Variants in NOTCH2 observed in about 807,000 individuals in gnomAD.
NOTCH2 encodes neurogenic locus notch homolog protein 2.
Under a neutral mutation model 235.8 loss-of-function variants are expected in NOTCH2, and 29 were observed. The observed-to-expected ratio is 0.12, with a 90% CI of 0.09 to 0.17. The LOEUF (loss-of-function observed/expected upper bound fraction) is 0.17, where lower values mean the gene tolerates loss of function less well. Among genes scored for constraint, NOTCH2 ranks in the 10% least tolerant of loss-of-function variants. NOTCH2 has a pLI of 1.00. For missense variants in NOTCH2, 2,285 were observed against 3,150.2 expected (o/e 0.73, Z 6.57); for synonymous variants, 1,086 against 1,141.5 (o/e 0.95, Z 0.98).
chr1:119,998,797 G>A (rs1387819083), intron 3 of NOTCH2, among the ~76,000 whole-genome samples: 6 of 145,630 alleles, frequency 4.1e-5, no homozygotes, highest in South Asian at 2.3e-4. Context: ...CCATTAACTC[G>A]TCATTTACAT....
chr1:119,954,917 C>G (rs1438047056), intron 13 of NOTCH2, 123 bp downstream of exon 13: 16 of 936,926 alleles, frequency 1.7e-5, no homozygotes, highest in Non-Finnish European at 2.7e-5. Context: ...ATGCAGACTA[C>G]CAAATCTTCA....
intron 3 of NOTCH2, among the ~76,000 whole-genome samples, chr1:120,002,574 G>A (rs1266452445): frequency 1.4e-5 from 2 of 142,694 alleles, no homozygotes; most frequent in African/African-American, 5.3e-5. Context: ...GAAGGCAAAA[G>A]GAATACAAAA....
At chr1:119,969,382 A>C (rs782108493) in intron 6 of NOTCH2, 129 bp downstream of exon 6, 62 of 799,804 alleles carry the variant, frequency 7.8e-5, no homozygotes, top group Admixed American at 1.6e-4. Context: ...CATTTCTGGA[A>C]CAGTCCTGAG....
chr1:119,926,247 A>G (rs965162778), intron 24 of NOTCH2, among the ~76,000 whole-genome samples: 3 of 152,182 alleles, frequency 2.0e-5, no homozygotes, highest in African/African-American at 7.2e-5. Flanking sequence ...AGTTTTTCTT[A>G]AGACTGACAG....
At chr1:119,988,120 T>C (rs1351939097) in intron 4 of NOTCH2, among the ~76,000 whole-genome samples, 2 of 152,184 alleles carry the variant, frequency 1.3e-5, no homozygotes, top group African/African-American at 4.8e-5. Context: ...GGGACTTACA[T>C]TAGGCACTGG....
At position 119,913,132 on chromosome 1, in the gene NOTCH2, G is replaced by C. The variant is rs1057300213; in HGVS notation, c.*2174C>G. ...TCTGTGAATAATAAATGGGTCCAAG[G>C]GCAGAGAGTCACCATTTAGAATGAT... On this transcript the variant is annotated 3_prime_UTR_variant, in exon 34 of 34. Transcript: ENST00000256646. The C allele has an allele frequency of 8.6e-6, 2 of 233,078 alleles. No individual in the cohort carries two copies. The highest frequency in any genetic ancestry group is 1.7e-5 in the Non-Finnish European group (2 of 118,046). 14.4% of individuals were successfully genotyped at this position (233,078 alleles called of 1,614,324 possible). A position where few individuals can be genotyped will look rare whatever the true frequency, so the allele number is the denominator to read the frequency against.
chr1:120,058,184 GA>G (rs1426761329), intron 1 of NOTCH2, among the ~76,000 whole-genome samples: 10 of 151,360 alleles, frequency 6.6e-5, no homozygotes, highest in Admixed American at 2.0e-4. Flanking sequence ...AATCAAAAAA[GA>G]AAAAAAAATC....
intron 4 of NOTCH2, 35 bp downstream of exon 4, chr1:119,996,962 G>A (rs782657227): frequency 6.3e-7 from 1 of 1,599,632 alleles, no homozygotes; most frequent in African/African-American, 1.3e-5. Flanking sequence ...CTAGGGGTTT[G>A]TCCCCTAATC....
intron 12 of NOTCH2, among the ~76,000 whole-genome samples, chr1:119,958,812 G>T (rs1156610973): frequency 1.3e-5 from 2 of 152,090 alleles, no homozygotes; most frequent in African/African-American, 4.8e-5. Flanking sequence ...TACTTTAAGA[G>T]AAGTTATATT....
intron 8 of NOTCH2, 124 bp downstream of exon 8, chr1:119,967,309 T>C: frequency 1.1e-6 from 1 of 924,482 alleles, no homozygotes; most frequent in Admixed American, 1.7e-5. Flanking sequence ...TAGTCCCCAG[T>C]CAGCAAAGGA....
intron 1 of NOTCH2, among the ~76,000 whole-genome samples, chr1:120,067,460 A>T (rs1655550727): frequency 6.6e-6 from 1 of 152,192 alleles, no homozygotes; most frequent in Non-Finnish European, 1.5e-5. Context: ...GTGTCAGAGT[A>T]ATCCCATTTC....
intron 5 of NOTCH2, among the ~76,000 whole-genome samples, chr1:119,970,687 A>G (rs937188888): frequency 2.6e-5 from 4 of 152,098 alleles, no homozygotes; most frequent in African/African-American, 7.2e-5. Flanking sequence ...TCAACTTACA[A>G]CCAGGAATCT....
intron 31 of NOTCH2, 88 bp downstream of exon 31, chr1:119,919,224 T>G (rs1405613265): frequency 7.5e-7 from 1 of 1,342,230 alleles, no homozygotes; most frequent in Non-Finnish European, 1.1e-6. Context: ...ATTGAATAAA[T>G]TCAATGAGAT....
In NOTCH2 at chr1:119,926,504, G is replaced by A. The variant is rs587728425; in HGVS notation, c.4000C>T (p.Pro1334Ser). 11 of 1,599,502 alleles carry A rather than the reference G, an allele frequency of 6.9e-6. No homozygotes were observed. The East Asian group carries it at 1.3e-4, about 19-fold the overall frequency. ...NMPDGFICRC[P>S]PGFSGARCQS... ...ATGAGCAACAGGGCACTTACCGGGG[G>A]ACAACGGCAAATGAAACCATCAGGC... is the stretch of plus-strand genomic sequence containing the variant. The change falls in exon 24 of 34, where the codon CCC (proline) becomes TCC (serine). Residue 1334 changes from proline (P) to serine (S), a missense_variant. Transcript: ENST00000256646.
chr1:120,066,474 G>A (rs1490611838), intron 1 of NOTCH2, among the ~76,000 whole-genome samples: 5 of 147,740 alleles, frequency 3.4e-5, no homozygotes, highest in African/African-American at 7.8e-5. Flanking sequence ...TAGGGAGGAG[G>A]ATCACTAGGA....
At chr1:119,944,854 A>C (rs1650198721) in intron 17 of NOTCH2, among the ~76,000 whole-genome samples, 1 of 152,196 alleles carries the variant, frequency 6.6e-6, no homozygotes, top group Admixed American at 6.5e-5. Flanking sequence ...CCAGGAGACA[A>C]AGACTACACA....
intron 11 of NOTCH2, among the ~76,000 whole-genome samples, chr1:119,962,480 CTG>C (rs1180877750): frequency 5.3e-5 from 8 of 152,162 alleles, no homozygotes; most frequent in Admixed American, 2.6e-4. Flanking sequence ...GCATTTTCAG[CTG>C]TGACGGCATG....
chr1:119,986,935 G>A, intron 5 of NOTCH2, 25 bp downstream of exon 5: 2 of 1,613,158 alleles, frequency 1.2e-6, no homozygotes, highest in Non-Finnish European at 8.5e-7. Context: ...ATCCCATTCT[G>A]GTGGATTCTC....
At chr1:119,931,705 C>T (rs1216805963) in intron 22 of NOTCH2, among the ~76,000 whole-genome samples, 2 of 151,758 alleles carry the variant, frequency 1.3e-5, no homozygotes, top group African/African-American at 4.8e-5. Flanking sequence ...TGTGTATTAA[C>T]AAATGAGTAG....
Sources: allele counts gnomAD v4.1 joint callset (sites outside exome capture counted in the v4.1 genomes callset), GRCh38; gene constraint gnomAD v4.1.1; transcripts MANE v1.5; gene names NCBI Gene and HGNC (gene_info 2026-07-23, HGNC 2026-07-21).